Variants in VPS54 observed in about 807,000 individuals in gnomAD.
VPS54 encodes the protein VPS54 subunit of GARP complex.
A neutral mutation model predicts 121.5 loss-of-function variants in VPS54; 45 were observed. The ratio of observed to expected loss-of-function variants is 0.37; its 90% CI spans 0.29 to 0.47. The LOEUF is 0.47. Ranked by LOEUF, VPS54 falls within the 20% of genes least tolerant of loss-of-function variation. The pLI, the probability that VPS54 is intolerant of heterozygous loss-of-function variation, is 0.99. For synonymous variants in VPS54, 371 were observed against 385.8 expected (o/e 0.96, Z 0.45); for missense variants, 1,090 against 1,131.4 (o/e 0.96, Z 0.52).
chr2:63,976,823 C>CTTT lies in VPS54; in HGVS notation c.379-4580_379-4579insAAA, dbSNP rs1481086180. Among the ~76,000 whole-genome samples, 28 of 68,034 alleles carry CTTT rather than the reference C, an allele frequency of 4.1e-4. 1 individual carries two copies. The highest frequency in any genetic ancestry group is 4.1e-4 in the Non-Finnish European group (14 of 34,284). The allele number at this position is 68,034 out of a possible 152,430, so 44.6% of individuals were successfully genotyped here. On this transcript the variant is annotated intron_variant, in intron 3 of 22. Transcript: ENST00000272322. ...TTTTGATACTAGTAGCTTATATCTTCTCTTTTTTTTTTTTTTTTTTTTTGA... is the reference window on the plus strand; with the variant it reads ...TTTTGATACTAGTAGCTTATATCTTCTTTTCTTTTTTTTTTTTTTTTTTTTTGA...
intron 1 of VPS54, among the ~76,000 whole-genome samples, chr2:63,997,430 G>A (rs1239609722): frequency 6.6e-6 from 1 of 152,132 alleles, no homozygotes; most frequent in Non-Finnish European, 1.5e-5. Flanking sequence ...AGTCCTGGAA[G>A]ATTGTACGTA....
intron 1 of VPS54, among the ~76,000 whole-genome samples, chr2:63,986,477 A>T (rs745804118): frequency 6.6e-6 from 1 of 152,342 alleles, no homozygotes; most frequent in East Asian, 1.9e-4. Flanking sequence ...TCTATTGTGT[A>T]TATGTACCAC....
At chr2:64,016,912 T>A (rs1005723863) in intron 1 of VPS54, among the ~76,000 whole-genome samples, 2 of 149,890 alleles carry the variant, frequency 1.3e-5, no homozygotes, top group Admixed American at 1.3e-4. Flanking sequence ...CCCGGCCAAG[T>A]GGTACACCTT....
chr2:64,005,664 T>C (rs542800415), intron 1 of VPS54, among the ~76,000 whole-genome samples: 3 of 152,338 alleles, frequency 2.0e-5, no homozygotes, highest in Non-Finnish European at 2.9e-5. Context: ...TTGAAAGGGA[T>C]AATTCTGTTA....
intron 7 of VPS54, among the ~76,000 whole-genome samples, chr2:63,955,989 CTAAG>C (rs1266164676): frequency 6.6e-6 from 1 of 152,084 alleles, no homozygotes; most frequent in African/African-American, 2.4e-5. Context: ...ATATATCCAG[CTAAG>C]TAAACTGAAA....
At chr2:64,017,416 T>C (rs889752128) in intron 1 of VPS54, among the ~76,000 whole-genome samples, 2 of 151,644 alleles carry the variant, frequency 1.3e-5, no homozygotes, top group South Asian at 4.2e-4. Context: ...ATGGGCTATA[T>C]AGGAATTGAC....
At chr2:63,951,385 T>C (rs1469648162) in intron 7 of VPS54, among the ~76,000 whole-genome samples, 1 of 152,044 alleles carries the variant, frequency 6.6e-6, no homozygotes, top group Admixed American at 6.5e-5. Context: ...TTAAGGTGTA[T>C]AGTATGTATT....
chr2:63,924,560 T>G (rs993934956), intron 12 of VPS54, among the ~76,000 whole-genome samples: 1 of 152,128 alleles, frequency 6.6e-6, no homozygotes, highest in Non-Finnish European at 1.5e-5. Flanking sequence ...GGCATGGTGG[T>G]TCACGCCTAG....
intron 7 of VPS54, among the ~76,000 whole-genome samples, chr2:63,951,892 G>T (rs1049845862): frequency 6.6e-6 from 1 of 152,094 alleles, no homozygotes; most frequent in Non-Finnish European, 1.5e-5. Context: ...AAATAAATGT[G>T]TTCTAGAAAA....
intron 2 of VPS54, 80 bp downstream of exon 2, chr2:63,983,784 G>A (rs1676912304): frequency 2.2e-5 from 32 of 1,470,928 alleles, no homozygotes; most frequent in Admixed American, 8.8e-5. Flanking sequence ...CTCTTCTAAC[G>A]TTGGTATATA....
At chr2:64,002,198 T>C (rs943602761) in intron 1 of VPS54, among the ~76,000 whole-genome samples, 1 of 152,198 alleles carries the variant, frequency 6.6e-6, no homozygotes, top group Non-Finnish European at 1.5e-5. Flanking sequence ...CCACACCACA[T>C]AGTCGCTGCA....
intron 1 of VPS54, among the ~76,000 whole-genome samples, chr2:64,008,075 A>G (rs1678250581): frequency 6.6e-6 from 1 of 151,950 alleles, no homozygotes; most frequent in Non-Finnish European, 1.5e-5. Context: ...ACCTGACCAT[A>G]TTTGTAGGCA....
chr2:63,945,464 A>G (rs1674935899), intron 9 of VPS54, among the ~76,000 whole-genome samples: 1 of 152,176 alleles, frequency 6.6e-6, no homozygotes, highest in African/African-American at 2.4e-5. Flanking sequence ...CTGGGTGATG[A>G]TATAATCTAT....
At chr2:63,924,529 A>T (rs1673804933) in intron 12 of VPS54, among the ~76,000 whole-genome samples, 1 of 152,188 alleles carries the variant, frequency 6.6e-6, no homozygotes, top group Non-Finnish European at 1.5e-5. Context: ...ATTAATATGG[A>T]TTAAAAAGCT....
At chr2:63,959,919 C>T (rs1019348812) in intron 7 of VPS54, among the ~76,000 whole-genome samples, 2 of 152,058 alleles carry the variant, frequency 1.3e-5, no homozygotes, top group African/African-American at 4.8e-5. Flanking sequence ...TACTCGGGAG[C>T]TGAGGCAGGA....
At chr2:64,002,781 TAAC>T (rs1325992623) in intron 1 of VPS54, among the ~76,000 whole-genome samples, 3 of 152,224 alleles carry the variant, frequency 2.0e-5, no homozygotes, top group Non-Finnish European at 2.9e-5. Flanking sequence ...TTAATTCTTA[TAAC>T]AAGAGGGAAG....
At chr2:64,010,670 T>TATTTAAG (rs78002795) in intron 1 of VPS54, among the ~76,000 whole-genome samples, 19,116 of 152,068 alleles carry the variant, frequency 0.13, 2,530 homozygotes, top group African/African-American at 0.34. Context: ...ACTTCTACAC[T>TATTTAAG]ATTTATCATT....
chr2:63,941,808 CA>C, intron 11 of VPS54, among the ~76,000 whole-genome samples: 1 of 152,002 alleles, frequency 6.6e-6, no homozygotes, highest in Middle Eastern at 3.4e-3. Flanking sequence ...CAGAGGCGGG[CA>C]GATCACTTGA....
chr2:64,013,621 CATTT>C (rs1316023953), intron 1 of VPS54, among the ~76,000 whole-genome samples: 10 of 141,816 alleles, frequency 7.1e-5, no homozygotes, highest in Non-Finnish European at 1.4e-4. Context: ...TATATATCAG[CATTT>C]ATATATAAAT....
Sources: gnomAD v4.1 joint callset for allele counts (sites outside exome capture counted in the v4.1 genomes callset) on GRCh38, gnomAD v4.1.1 for gene constraint, MANE v1.5 for transcripts, NCBI Gene and HGNC (gene_info 2026-07-23, HGNC 2026-07-21) for gene names.